XIRP2: variants seen among roughly 807,000 people sequenced by gnomAD.
XIRP2 encodes xin actin-binding repeat-containing protein 2.
A neutral mutation model predicts 277.0 loss-of-function variants in XIRP2; 236 were observed. That is an observed-to-expected ratio of 0.85 (90% CI 0.77 to 0.95). XIRP2 has a LOEUF of 0.95. Among genes scored for constraint, XIRP2 ranks in the 40% least tolerant of loss-of-function variants. The pLI, the probability that XIRP2 is intolerant of heterozygous loss-of-function variation, is 0.00. For synonymous variants in XIRP2, 1,490 were observed against 1,416.5 expected, an observed-to-expected ratio of 1.05 and a Z score of -1.17; for missense variants, 4,640 against 4,157.5, an observed-to-expected ratio of 1.12 and a Z score of -3.19.
intron 2 of XIRP2, among the ~76,000 whole-genome samples, chr2:166,975,364 A>G (rs975381162): frequency 1.3e-5 from 2 of 152,232 alleles, no homozygotes; most frequent in African/African-American, 4.8e-5. Flanking sequence ...AAGTGCATAT[A>G]GTATATTCTC....
chr2:167,025,417 A>G (rs911247360), intron 2 of XIRP2, among the ~76,000 whole-genome samples: 1 of 152,038 alleles, frequency 6.6e-6, no homozygotes, highest in African/African-American at 2.4e-5. Flanking sequence ...TGCTGGATTC[A>G]TTAATTTTTT....
chr2:167,246,380 T>TA lies in XIRP2; in HGVS notation c.4994dup (p.Asn1665LysfsTer5), dbSNP rs1559040819. On this transcript the variant is annotated frameshift_variant, in exon 9 of 11. Transcript: ENST00000409195. LOFTEE classifies it high-confidence loss of function. Reference sequence around the variant, plus strand: ...GTGAAAGGTGATGTACAACAAGCAATAAAAAACCTGTTCTCTGAGGAAAGA... The same window carrying TA: ...GTGAAAGGTGATGTACAACAAGCAATAAAAAAACCTGTTCTCTGAGGAAAGA... The TA allele has an allele frequency of 5.0e-6, 8 of 1,613,134 alleles. No individual in the cohort carries two copies. The highest frequency in any genetic ancestry group is 1.7e-5 in the Admixed American group (1 of 59,902).
chr2:167,254,315 T>G, intron 10 of XIRP2, 150 bp downstream of exon 10: 1 of 1,034,144 alleles, frequency 9.7e-7, no homozygotes, highest in Non-Finnish European at 1.3e-6. Context: ...TGTTCTGTGA[T>G]GTATTTCTGC....
chr2:167,155,502 A>G (rs188778285), intron 3 of XIRP2, among the ~76,000 whole-genome samples: 2,984 of 152,320 alleles, frequency 0.02, 37 homozygotes, highest in Non-Finnish European at 0.032. Context: ...AAACCACATG[A>G]TTATCTCAAT....
At chr2:167,023,140 T>C (rs549999614) in intron 2 of XIRP2, among the ~76,000 whole-genome samples, 2 of 152,292 alleles carry the variant, frequency 1.3e-5, no homozygotes, top group Non-Finnish European at 2.9e-5. Context: ...TTTTAATGAT[T>C]GCCATTCTAA....
chr2:167,085,251 T>C (rs1290929170), intron 2 of XIRP2, among the ~76,000 whole-genome samples: 4 of 151,650 alleles, frequency 2.6e-5, no homozygotes, highest in Non-Finnish European at 5.9e-5. Flanking sequence ...AGTTGAGCGG[T>C]TTTGAGTGAG....
intron 2 of XIRP2, among the ~76,000 whole-genome samples, chr2:167,086,946 C>A (rs2105269796): frequency 6.6e-6 from 1 of 152,332 alleles, no homozygotes; most frequent in East Asian, 1.9e-4. Flanking sequence ...GTCAGCTGGC[C>A]AAAGTCATTC....
intron 2 of XIRP2, among the ~76,000 whole-genome samples, chr2:167,100,239 A>G (rs548043939): frequency 8.5e-5 from 13 of 152,310 alleles, no homozygotes; most frequent in African/African-American, 3.1e-4. Flanking sequence ...TAATTTATGA[A>G]GTACTGTGTG....
At chr2:167,102,553 A>G (rs1690514645) in intron 2 of XIRP2, among the ~76,000 whole-genome samples, 1 of 152,162 alleles carries the variant, frequency 6.6e-6, no homozygotes, top group Admixed American at 6.5e-5. Flanking sequence ...CTTACCCTAG[A>G]TGTAATATAT....
chr2:167,211,197 A>C (rs141069886), intron 4 of XIRP2, among the ~76,000 whole-genome samples: 5,358 of 152,154 alleles, frequency 0.035, 161 homozygotes, highest in African/African-American at 0.078. Context: ...TCCTGGGTTC[A>C]AGTGATTCTC....
In XIRP2 at chr2:167,094,720, C is replaced by T. The variant is rs538670734; in HGVS notation, c.409-41189C>T. Among the ~76,000 whole-genome samples the T allele has an allele frequency of 8.5e-5, 13 of 152,194 alleles. No homozygotes were observed. The South Asian group carries it at 2.7e-3, about 32-fold the overall frequency. ...TACCATGCTGTTTTGGTTACTGTGG[C>T]CTTGTAGTATAGTTTGAAGTCAGGT... On this transcript the variant is annotated intron_variant, in intron 2 of 10. Transcript: ENST00000409195.
chr2:167,222,167 T>A (rs1479079143), intron 5 of XIRP2, among the ~76,000 whole-genome samples: 2 of 152,190 alleles, frequency 1.3e-5, no homozygotes, highest in African/African-American at 4.8e-5. Flanking sequence ...AAAAAAGGGG[T>A]GCACAATATA....
At chr2:167,000,734 A>G (rs1222681946) in intron 2 of XIRP2, among the ~76,000 whole-genome samples, 1 of 152,030 alleles carries the variant, frequency 6.6e-6, no homozygotes, top group African/African-American at 2.4e-5. Context: ...TATTTTCAGG[A>G]TCTATATTCC....
Position 167,247,297 on chromosome 2 carries a change from G to T in XIRP2, c.5905G>T (p.Val1969Phe). Reference sequence around the variant, plus strand: ...GAAAACAGATATTCATCAGGTTGCTGTCCAGAGGAACAAAAATAGTCTTCT... The same window carrying T: ...GAAAACAGATATTCATCAGGTTGCTTTCCAGAGGAACAAAAATAGTCTTCT... The part of the protein sequence containing the change: ...EQKTDIHQVA[V>F]QRNKNSLLQP... Residue 1969 changes from valine (V) to phenylalanine (F), a missense_variant, in exon 9 of 11, where the codon GTC becomes TTC. Transcript: ENST00000409195. The T allele has an allele frequency of 6.2e-7, 1 of 1,613,734 alleles. No homozygotes were observed. The highest frequency in any genetic ancestry group is 8.5e-7 in the Non-Finnish European group (1 of 1,179,852).
intron 2 of XIRP2, among the ~76,000 whole-genome samples, chr2:167,133,874 G>T (rs2105316548): frequency 6.6e-6 from 1 of 152,248 alleles, no homozygotes; most frequent in Middle Eastern, 3.4e-3. Context: ...CTGACACTGT[G>T]TCTCAACAGC....
chr2:167,026,220 TG>T, intron 2 of XIRP2, among the ~76,000 whole-genome samples: 1 of 152,194 alleles, frequency 6.6e-6, no homozygotes, highest in Middle Eastern at 3.2e-3. Context: ...TGGCCTTCTT[TG>T]TCTCTTTTGA....
At chr2:167,187,150 G>A in intron 3 of XIRP2, 1 of 658,076 alleles carries the variant, frequency 1.5e-6, no homozygotes, top group Non-Finnish European at 1.9e-6. Flanking sequence ...GTTGGCTGGT[G>A]GTCGTGGCTG....
chr2:167,105,124 C>G (rs1175353243), intron 2 of XIRP2, among the ~76,000 whole-genome samples: 2 of 151,844 alleles, frequency 1.3e-5, no homozygotes, highest in Non-Finnish European at 2.9e-5. Context: ...AATTGTAGAT[C>G]CACACAGAAT....
At chr2:167,207,056 A>G (rs192636375) in intron 3 of XIRP2, among the ~76,000 whole-genome samples, 21 of 152,266 alleles carry the variant, frequency 1.4e-4, no homozygotes, top group Non-Finnish European at 2.8e-4. Context: ...CAAGCCATTG[A>G]CCTTTATTTC....
Sources: gnomAD v4.1 joint callset for allele counts (sites outside exome capture counted in the v4.1 genomes callset) on GRCh38, gnomAD v4.1.1 for gene constraint, MANE v1.5 for transcripts, NCBI Gene and HGNC (gene_info 2026-07-23, HGNC 2026-07-21) for gene names.